Variants in KCTD19 observed in about 807,000 individuals in gnomAD.
KCTD19 encodes BTB/POZ domain-containing protein KCTD19.
In KCTD19, 67 loss-of-function variants were observed where a neutral mutation model predicts 103.5. The observed-to-expected ratio is 0.65, with a 90% CI of 0.53 to 0.79. KCTD19 has a LOEUF of 0.79. Ranked by LOEUF, KCTD19 falls within the 30% of genes least tolerant of loss-of-function variation. The probability of loss-of-function intolerance (pLI) is 0.00; values close to 1 mark genes in which losing one functional copy is unlikely to be tolerated. For synonymous variants in KCTD19, 439 were observed against 452.2 expected (o/e 0.97, Z 0.37); for missense variants, 980 against 1,136.1 (o/e 0.86, Z 1.98).
chr16:67,298,991 C>T (rs2036801030), intron 6 of KCTD19, among the ~76,000 whole-genome samples: 1 of 152,238 alleles, frequency 6.6e-6, no homozygotes, highest in Non-Finnish European at 1.5e-5. Flanking sequence ...GTCCAGTGAG[C>T]CTCCCAAGAG....
intron 2 of KCTD19, among the ~76,000 whole-genome samples, chr16:67,308,370 G>A (rs925175720): frequency 7.3e-5 from 11 of 151,682 alleles, no homozygotes; most frequent in African/African-American, 2.7e-4. Context: ...TTGCTATGTG[G>A]CCCAGGCTGG....
rs200934934 is a variant in KCTD19 at position 67,299,535 on chromosome 16, C to T, written c.814G>A (p.Gly272Arg). 4.6e-4 allele frequency: 746 copies of T among 1,613,792 alleles called. 1 individual carries two copies. Among genetic ancestry groups the T allele is most frequent in the Non-Finnish European group, 5.8e-4 (681 of 1,180,016 alleles). ...AGGCTGGCTGTGCGGGCCCCCTTCC[C>T]GGGGCTCAGGGGAGAACAGGTGGTC... ...SPTTCSPLSP[G>R]KGARTASLES... The change falls in exon 6 of 16, where the codon GGG becomes AGG. Residue 272 changes from glycine (G) to arginine (R), a missense_variant. Physicochemically the swap from Gly to Arg is moderately radical, Grantham distance 125. Coordinates refer to ENST00000304372, the MANE Select transcript of KCTD19 (RefSeq NM_001100915.3).
intron 14 of KCTD19, 101 bp downstream of exon 14, chr16:67,291,208 T>C: frequency 2.1e-6 from 3 of 1,434,220 alleles, no homozygotes; most frequent in Non-Finnish European, 2.8e-6. Context: ...CTTAACCCCA[T>C]CTTGGCTTAC....
chr16:67,310,440 A>G (rs1238515305), intron 2 of KCTD19, among the ~76,000 whole-genome samples: 2 of 152,216 alleles, frequency 1.3e-5, no homozygotes, highest in African/African-American at 4.8e-5. Flanking sequence ...GCTGACTTCA[A>G]GTCCGCTTTC....
chr16:67,295,164 A>G, intron 9 of KCTD19, 99 bp downstream of exon 9: 1 of 1,572,910 alleles, frequency 6.4e-7, no homozygotes, highest in Non-Finnish European at 8.7e-7. Flanking sequence ...TGGAAATAAA[A>G]TAACCTCCTC....
chr16:67,290,343 A>G (rs1353815649), intron 15 of KCTD19, among the ~76,000 whole-genome samples: 2 of 151,594 alleles, frequency 1.3e-5, no homozygotes, highest in African/African-American at 4.8e-5. Context: ...ACGCCTGGCT[A>G]ATTTTTTTGT....
intron 2 of KCTD19, among the ~76,000 whole-genome samples, chr16:67,312,672 C>G (rs536797454): frequency 1.3e-5 from 2 of 152,280 alleles, no homozygotes; most frequent in East Asian, 3.9e-4. Context: ...GTACACATCC[C>G]TCAAAATCCA....
In KCTD19 at chr16:67,320,802, G is replaced by T; in HGVS notation, c.87C>A (p.Ser29Arg). Residue 29 changes from serine to arginine, a missense_variant, in exon 2 of 16, where the codon AGC becomes AGA. Ser to Arg is a moderately radical substitution (Grantham distance 110). Coordinates refer to ENST00000304372, the MANE Select transcript of KCTD19 (RefSeq NM_001100915.3). The surrounding 1 kb of genome is among the most constrained non-coding windows in gnomAD (Gnocchi z 4.0). ...GGGAGTCTGGAAACTGAGAGAGTTT[G>T]CTTCTGGGAACTGAGAAATGCCAGC... Reference protein sequence around the residue: ...VGGWHFSVPRSKLSQFPDSLL... With the variant: ...VGGWHFSVPRRKLSQFPDSLL... 1.2e-6 allele frequency: 2 copies of T among 1,614,156 alleles called. No individual in the cohort carries two copies. The highest frequency in any genetic ancestry group is 1.7e-6 in the Non-Finnish European group (2 of 1,180,008).
intron 6 of KCTD19, 97 bp from the exon 7 acceptor site, chr16:67,297,760 C>A: frequency 1.7e-6 from 2 of 1,184,360 alleles, no homozygotes; most frequent in Non-Finnish European, 2.4e-6. Flanking sequence ...CTTGCCGCAA[C>A]ACTGGCTTAA....
At chr16:67,305,681 G>A (rs891000000) in intron 2 of KCTD19, 23 of 444,118 alleles carry the variant, frequency 5.2e-5, no homozygotes, top group African/African-American at 4.1e-4. Context: ...GCTAGAAGAA[G>A]ATACATAGTA....
chr16:67,299,447 G>A lies in KCTD19; in HGVS notation c.902C>T (p.Ala301Val), dbSNP rs371337285. ...LGLLVKYPDS[A>V]LGQLRIESTL... is the part of the protein sequence containing the mutation. ...GCTCTCGATGCGAAGCTGGCCCAGC[G>A]CAGAGTCCGGGTACTTGACCAGCAG... The change falls in exon 6 of 16, where the codon GCG (alanine) becomes GTG (valine). Residue 301 changes from alanine (A) to valine (V), a missense_variant. By Grantham distance (64) the Ala-to-Val change is moderately conservative (BLOSUM62 0). Transcript: ENST00000304372. The A allele has an allele frequency of 5.0e-6, 8 of 1,614,114 alleles. No homozygotes were observed. The highest frequency in any genetic ancestry group is 4.5e-5 in the East Asian group (2 of 44,900).
chr16:67,304,288 G>A, intron 3 of KCTD19, 133 bp downstream of exon 3: 1 of 875,658 alleles, frequency 1.1e-6, no homozygotes, highest in Non-Finnish European at 1.8e-6. Context: ...CAGGGCAGAA[G>A]ATCAAAGGAG....
chr16:67,304,520 C>G lies in KCTD19; in HGVS notation c.352G>C (p.Asp118His). 1 of 1,614,058 alleles carries G rather than the reference C, an allele frequency of 6.2e-7. No individual in the cohort carries two copies. Among genetic ancestry groups the G allele is most frequent in the Non-Finnish European group, 8.5e-7 (1 of 1,179,920 alleles). The change falls in exon 3 of 16, where the codon GAC (aspartate) becomes CAC (histidine). Residue 118 changes from aspartate to histidine, a missense_variant. Physicochemically the swap from Asp to His is moderately conservative, Grantham distance 81 (BLOSUM62 -1). Coordinates refer to ENST00000304372, the MANE Select transcript of KCTD19 (RefSeq NM_001100915.3). ...GATGCTCTCTCAGCAACAGGTAGGTCTGCAGGCCGTACGCGTAGATGGTGT... is the reference window on the plus strand; with the variant it reads ...GATGCTCTCTCAGCAACAGGTAGGTGTGCAGGCCGTACGCGTAGATGGTGT... The part of the protein sequence containing the change: ...GKHHLRVRPA[D>H]LPVAERASLN...
At position 67,294,999 on chromosome 16, in the gene KCTD19, T is replaced by C; in HGVS notation, c.1449A>G (p.Glu483=). The C allele has an allele frequency of 6.2e-7, 1 of 1,613,970 alleles. No individual in the cohort carries two copies. Among genetic ancestry groups the C allele is most frequent in the Non-Finnish European group, 8.5e-7 (1 of 1,179,828 alleles). ...VEEYHIPSLS[E]ALAQCEAYKS... is the part of the protein sequence containing the mutation. ...TGTATGCTTCACATTGTGCAAGGGC[T>C]TCTGAGAGGGATGGAATGTGGTATT... is the stretch of plus-strand genomic sequence containing the variant. The change falls in exon 10 of 16, where the codon GAA becomes GAG. Residue 483 remains glutamate, a synonymous_variant. Coordinates refer to ENST00000304372, the MANE Select transcript of KCTD19 (RefSeq NM_001100915.3).
At chr16:67,305,332 C>G in intron 2 of KCTD19, 1 of 212,172 alleles carries the variant, frequency 4.7e-6, no homozygotes, top group South Asian at 6.7e-5. Context: ...CCACAGGACT[C>G]CACATTTTTC....
In KCTD19 at chr16:67,295,383, G is replaced by A; in HGVS notation, c.1271C>T (p.Pro424Leu). The change falls in exon 9 of 16, where the codon CCT (proline) becomes CTT (leucine). Residue 424 changes from proline (P) to leucine (L), a missense_variant. Coordinates refer to ENST00000304372, the MANE Select transcript of KCTD19 (RefSeq NM_001100915.3). Reference sequence around the variant, plus strand: ...ATATGTGATCCAGTACACTCTCTGAGGGTTGGACAGCAGTTCTGGATACTG... The same window carrying A: ...ATATGTGATCCAGTACACTCTCTGAAGGTTGGACAGCAGTTCTGGATACTG... ...LLKYPELLSN[P>L]QRVYWITYGQ... 6.2e-7 allele frequency: 1 copy of A among 1,613,338 alleles called. No individual in the cohort carries two copies.
intron 7 of KCTD19, among the ~76,000 whole-genome samples, 194 bp downstream of exon 7, chr16:67,297,309 C>A (rs911012163): frequency 6.6e-6 from 1 of 152,146 alleles, no homozygotes; most frequent in Non-Finnish European, 1.5e-5. Context: ...CTGCTGGAGA[C>A]GAATTGTGGG....
At chr16:67,301,513 C>T (rs936392937) in intron 5 of KCTD19, 5 of 278,474 alleles carry the variant, frequency 1.8e-5, no homozygotes, top group Non-Finnish European at 3.4e-5. Flanking sequence ...CCTGGCTCCC[C>T]ACCCAGGCTG....
At chr16:67,295,759 T>C (rs1597393184) in intron 8 of KCTD19, 1 of 321,736 alleles carries the variant, frequency 3.1e-6, no homozygotes, top group East Asian at 6.4e-5. Context: ...TTGTTTTGTT[T>C]TTTGAGGCAG....
Sources: allele counts gnomAD v4.1 joint callset (sites outside exome capture counted in the v4.1 genomes callset), GRCh38; gene constraint gnomAD v4.1.1; non-coding constraint Gnocchi (gnomAD v3.1); transcripts MANE v1.5; gene names NCBI Gene and HGNC (gene_info 2026-07-23, HGNC 2026-07-21).